OTC: variants seen among roughly 807,000 people sequenced by gnomAD.
The protein encoded by OTC is ornithine transcarbamylase, mitochondrial.
Under a neutral mutation model 30.3 loss-of-function variants are expected in OTC, and 3 were observed. That is an observed-to-expected ratio of 0.10 (90% CI 0.05 to 0.26). The LOEUF is 0.26. Ranked by LOEUF, OTC falls within the 10% of genes least tolerant of loss-of-function variation. The pLI is 1.00. For synonymous variants in OTC, 111 were observed against 99.7 expected, an observed-to-expected ratio of 1.11 and a Z score of -0.67; for missense variants, 194 against 260.3, an observed-to-expected ratio of 0.75 and a Z score of 1.75.
the OTC span, among the ~76,000 whole-genome samples, chrX:38,332,504 T>TCATATATATATATATATA: frequency 2.5e-5 from 1 of 39,381 alleles, no homozygotes. Context: ...GCCCTAGATT[T>TCATATATATATATATATA]TATATATATA....
At chrX:38,396,845 C>T (rs756960355) in intron 4 of OTC, among the ~76,000 whole-genome samples, 1 of 111,776 alleles carries the variant, frequency 8.9e-6, no homozygotes, top group Non-Finnish European at 1.9e-5. Context: ...TGGTTATTAT[C>T]GTTTTCCTCA....
At chrX:38,359,380 C>A (rs1283154487) in intron 1 of OTC, among the ~76,000 whole-genome samples, 1 of 110,907 alleles carries the variant, frequency 9.0e-6, no homozygotes, top group East Asian at 2.8e-4. Flanking sequence ...TCAGCCTGGG[C>A]CATACCCTAT....
At position 38,420,788 on chromosome X, in the gene OTC, C is replaced by A. The variant is rs142714285; in HGVS notation, c.1006-235C>A. ...TGACCCACTAGTCCTGGAATGAGGC[C>A]TAATTATGCAGTGTTTGTGTGTCTA... On this transcript the variant is annotated intron_variant, in intron 9 of 9. Coordinates refer to ENST00000039007, the MANE Select transcript of OTC (RefSeq NM_000531.6). 0.019 allele frequency among the ~76,000 whole-genome samples: 2,069 copies of A among 111,126 alleles called. 28 individuals carry two copies. The highest frequency in any genetic ancestry group is 0.056 in the South Asian group (147 of 2,624).
chrX:38,353,461 A>T (rs2068227556), intron 1 of OTC, among the ~76,000 whole-genome samples: 1 of 111,714 alleles, frequency 9.0e-6, no homozygotes, highest in Non-Finnish European at 1.9e-5. Context: ...TCAGGTGGAG[A>T]CATCACTACC....
At chrX:38,402,238 G>C (rs1602030161) in intron 5 of OTC, among the ~76,000 whole-genome samples, 1 of 111,360 alleles carries the variant, frequency 9.0e-6, no homozygotes, top group Middle Eastern at 4.6e-3. Context: ...CAAAGTGGCT[G>C]TCTGTGGGTG....
the OTC span, chrX:38,327,701 G>T: frequency 2.9e-6 from 1 of 350,317 alleles, no homozygotes; most frequent in Non-Finnish European, 4.9e-6. Context: ...AGGCGGCCAC[G>T]CCGCGCAGTG....
chrX:38,340,368 T>C, the OTC span, among the ~76,000 whole-genome samples: 8 of 111,011 alleles, frequency 7.2e-5, no homozygotes, highest in African/African-American at 2.6e-4. Flanking sequence ...ATAATGGGAA[T>C]ATTAGCAAAT....
At chrX:38,330,543 C>G in the OTC span, among the ~76,000 whole-genome samples, 1 of 111,651 alleles carries the variant, frequency 9.0e-6, no homozygotes, top group Admixed American at 9.4e-5. Context: ...TTGCAAGGTC[C>G]CATATTTATC....
intron 6 of OTC, among the ~76,000 whole-genome samples, chrX:38,406,438 T>C (rs1361146224): frequency 1.8e-5 from 2 of 111,963 alleles, no homozygotes; most frequent in Non-Finnish European, 3.8e-5. Context: ...ATCACCTTCT[T>C]TGTCTGGTTT....
chrX:38,363,028 C>T (rs369850518), intron 1 of OTC, among the ~76,000 whole-genome samples: 1 of 112,001 alleles, frequency 8.9e-6, no homozygotes, highest in Non-Finnish European at 1.9e-5. Flanking sequence ...AACAAAATCC[C>T]GCAGAGGCTG....
At chrX:38,379,695 C>T (rs148945788) in intron 3 of OTC, among the ~76,000 whole-genome samples, 2,394 of 109,736 alleles carry the variant, frequency 0.022, 66 homozygotes, top group African/African-American at 0.076. Flanking sequence ...AGTGCAGTGG[C>T]GCGATCTCAC....
chrX:38,339,583 T>C, the OTC span, among the ~76,000 whole-genome samples: 1 of 108,043 alleles, frequency 9.3e-6, no homozygotes, highest in Non-Finnish European at 1.9e-5. Flanking sequence ...TAGTTTTAAA[T>C]GATCATTTTG....
intron 4 of OTC, among the ~76,000 whole-genome samples, chrX:38,390,547 G>C (rs893577153): frequency 4.4e-5 from 5 of 112,452 alleles, no homozygotes; most frequent in African/African-American, 1.6e-4. Flanking sequence ...ACTGGTAAGA[G>C]TTGTCAGTGA....
downstream of OTC, among the ~76,000 whole-genome samples, chrX:38,421,843 T>C (rs2068597300): frequency 2.7e-5 from 3 of 111,774 alleles, no homozygotes; most frequent in Admixed American, 2.9e-4. Flanking sequence ...TTTTTTCACA[T>C]CTGTGCTTAT....
At chrX:38,394,926 G>A (rs1047222771) in intron 4 of OTC, among the ~76,000 whole-genome samples, 5 of 110,187 alleles carry the variant, frequency 4.5e-5, no homozygotes, top group African/African-American at 1.7e-4. Flanking sequence ...AGAAGTAATT[G>A]GTACGTGAAG....
rs761504414 is a variant in OTC at position 38,358,686 on chromosome X, A to T, written c.77+5913A>T. Reference sequence around the variant, plus strand: ...ACCCAGGCTGGAGTGCAACGGCGCGATCTCAGCTCACCACAACCTCTGCTT... The same window carrying T: ...ACCCAGGCTGGAGTGCAACGGCGCGTTCTCAGCTCACCACAACCTCTGCTT... On this transcript the variant is annotated intron_variant, in intron 1 of 9. Transcript: ENST00000039007. Among the ~76,000 whole-genome samples the T allele has an allele frequency of 6.1e-4, 61 of 99,650 alleles. 1 individual carries two copies. Among genetic ancestry groups the T allele is most frequent in the Admixed American group, 5.8e-3 (51 of 8,749 alleles). 86.5% of individuals were successfully genotyped at this position (99,650 alleles called of 115,157 possible).
At chrX:38,353,863 A>T (rs1310590997) in intron 1 of OTC, among the ~76,000 whole-genome samples, 1 of 112,075 alleles carries the variant, frequency 8.9e-6, no homozygotes, top group Non-Finnish European at 1.9e-5. Context: ...TCAAATATTC[A>T]ATTGAAATTG....
chrX:38,382,943 A>C (rs1162556791), intron 4 of OTC, among the ~76,000 whole-genome samples: 1 of 112,028 alleles, frequency 8.9e-6, no homozygotes, highest in Non-Finnish European at 1.9e-5. Context: ...GGATCCCAAG[A>C]TCAAGAGACA....
intron 6 of OTC, among the ~76,000 whole-genome samples, chrX:38,407,940 T>C (rs750111897): frequency 1.5e-4 from 17 of 111,728 alleles, no homozygotes; most frequent in Non-Finnish European, 3.2e-4. Context: ...GCTGTTCCCA[T>C]GATGTCTCCT....
Sources: allele counts gnomAD v4.1 joint callset (sites outside exome capture counted in the v4.1 genomes callset), GRCh38; gene constraint gnomAD v4.1.1; transcripts MANE v1.5; gene names NCBI Gene and HGNC (gene_info 2026-07-23, HGNC 2026-07-21).